Variants in TEAD4 observed in about 807,000 individuals in gnomAD.
TEAD4 encodes the protein TEA domain transcription factor 4, also known as transcriptional enhancer factor TEF-3.
In TEAD4, 36 loss-of-function variants were observed where a neutral mutation model predicts 52.4. The observed-to-expected ratio is 0.69, with a 90% CI of 0.53 to 0.91. The LOEUF (loss-of-function observed/expected upper bound fraction) is 0.91, where lower values mean the gene tolerates loss of function less well. Ranked by LOEUF, TEAD4 falls within the 40% of genes least tolerant of loss-of-function variation. TEAD4 has a pLI of 0.00. For synonymous variants in TEAD4, 220 were observed against 231.0 expected (o/e 0.95, Z 0.43); for missense variants, 508 against 583.9 (o/e 0.87, Z 1.34).
Position 3,036,925 on chromosome 12 carries a change from G to A in TEAD4, c.898-1043G>A, listed in dbSNP as rs555274386. Among the ~76,000 whole-genome samples the A allele has an allele frequency of 9.0e-4, 137 of 152,288 alleles. 1 individual carries two copies. Among genetic ancestry groups the A allele is most frequent in the African/African-American group, 3.0e-3 (123 of 41,570 alleles). ...TGGGGTTGGAGGCTGAAGACCTGGG[G>A]TCTTTCACTTACTAGTTGGATGGTG... On this transcript the variant is annotated intron_variant, in intron 10 of 12. Transcript: ENST00000359864.
At chr12:2,961,092 G>C (rs939484920) in intron 2 of TEAD4, among the ~76,000 whole-genome samples, 8 of 152,174 alleles carry the variant, frequency 5.3e-5, no homozygotes, top group African/African-American at 1.7e-4. Flanking sequence ...GGGCGGGTGA[G>C]ATTTGGGAAG....
intron 10 of TEAD4, among the ~76,000 whole-genome samples, chr12:3,033,818 G>A (rs944201732): frequency 2.0e-5 from 3 of 152,226 alleles, no homozygotes; most frequent in African/African-American, 7.2e-5. Flanking sequence ...AAGAAGCGTA[G>A]CTTGTTTTGG....
At chr12:3,027,637 C>T (rs183652525) in intron 10 of TEAD4, among the ~76,000 whole-genome samples, 2 of 152,146 alleles carry the variant, frequency 1.3e-5, no homozygotes, top group African/African-American at 2.4e-5. Context: ...GAGGACGAGG[C>T]GGGTGGATTG....
intron 3 of TEAD4, among the ~76,000 whole-genome samples, chr12:3,002,774 C>T (rs1327183807): frequency 1.3e-5 from 2 of 152,156 alleles, no homozygotes; most frequent in Non-Finnish European, 2.9e-5. Flanking sequence ...GGACAGACAC[C>T]GAGGCAGGAA....
At chr12:3,037,870 G>A in intron 10 of TEAD4, 98 bp from the exon 11 acceptor site, 3 of 1,444,330 alleles carry the variant, frequency 2.1e-6, no homozygotes, top group Non-Finnish European at 1.9e-6. Flanking sequence ...TTTCTTCCCA[G>A]CCCTAGAGCC....
chr12:3,009,795 C>CGA (rs2098258815), intron 3 of TEAD4, among the ~76,000 whole-genome samples: 1 of 152,244 alleles, frequency 6.6e-6, no homozygotes. Context: ...CTGACACAGA[C>CGA]GAGGCAGTGG....
chr12:3,023,790 CA>C (rs71057878), intron 10 of TEAD4, among the ~76,000 whole-genome samples: 8,855 of 131,948 alleles, frequency 0.067, 357 homozygotes, highest in Non-Finnish European at 0.088. Flanking sequence ...GAGACTGTCT[CA>C]AAAAAAAAAA....
At chr12:3,004,235 G>A (rs11609673) in intron 3 of TEAD4, among the ~76,000 whole-genome samples, 10,168 of 152,306 alleles carry the variant, frequency 0.067, 419 homozygotes, top group Non-Finnish European at 0.099. Flanking sequence ...ATCGTCCCTT[G>A]CGGAGGAAGC....
At position 3,040,230 on chromosome 12, in the gene TEAD4, A is replaced by G; in HGVS notation, c.1162A>G (p.Ser388Gly). 6.2e-7 allele frequency: 1 copy of G among 1,614,248 alleles called. No homozygotes were observed. Among genetic ancestry groups the G allele is most frequent in the Non-Finnish European group, 8.5e-7 (1 of 1,180,046 alleles). Residue 388 changes from serine to glycine, a missense_variant, in exon 12 of 13, where the codon AGC (serine) becomes GGC (glycine). Physicochemically the swap from Ser to Gly is moderately conservative, Grantham distance 56. Transcript: ENST00000359864. ...CCTCCCTGAGAAGTACATGATGAAC[A>G]GCGTGCTGGAGAACTTCACCATCCT...
intron 5 of TEAD4, chr12:3,016,960 A>G (rs896271515): frequency 5.3e-5 from 21 of 396,192 alleles, no homozygotes; most frequent in African/African-American, 4.3e-4. Context: ...GAGGGGCCAC[A>G]GGAGGTGGTC....
At chr12:2,984,568 G>A (rs2098236559) in intron 2 of TEAD4, among the ~76,000 whole-genome samples, 2 of 152,132 alleles carry the variant, frequency 1.3e-5, no homozygotes, top group Admixed American at 1.3e-4. Flanking sequence ...GTGTCTCTTG[G>A]CGATTTCATC....
intron 10 of TEAD4, among the ~76,000 whole-genome samples, chr12:3,025,781 C>G (rs909316160): frequency 1.8e-4 from 27 of 152,124 alleles, no homozygotes; most frequent in Admixed American, 7.2e-4. Context: ...AAGTGATCCT[C>G]CTGCCTCGGC....
chr12:3,037,945 G>A lies in TEAD4; in HGVS notation c.898-23G>A, dbSNP rs368636645. The A allele has an allele frequency of 9.9e-5, 159 of 1,602,838 alleles. No individual in the cohort carries two copies. The African/African-American group carries it at 1.4e-3, about 14-fold the overall frequency. On this transcript the variant is annotated intron_variant, in intron 10 of 12. Coordinates refer to ENST00000359864, the MANE Select transcript of TEAD4 (RefSeq NM_003213.4). ...ACATGGCACCTGCTGACACTCCCTC[G>A]CCTTCCCACTGTCTCCCTCCAGGCA...
chr12:3,009,105 G>A (rs1023471316), intron 3 of TEAD4, among the ~76,000 whole-genome samples: 1 of 152,174 alleles, frequency 6.6e-6, no homozygotes, highest in Non-Finnish European at 1.5e-5. Context: ...AGAATCTGCG[G>A]GAAAAACCTT....
At chr12:2,966,868 G>C (rs939188381) in intron 2 of TEAD4, among the ~76,000 whole-genome samples, 1 of 152,014 alleles carries the variant, frequency 6.6e-6, no homozygotes, top group Non-Finnish European at 1.5e-5. Flanking sequence ...CACCACGCCT[G>C]GCTAATTTTT....
chr12:2,963,738 C>G (rs935972647), intron 2 of TEAD4, among the ~76,000 whole-genome samples: 4 of 152,218 alleles, frequency 2.6e-5, no homozygotes, highest in African/African-American at 9.6e-5. Flanking sequence ...CTGGTGGGGA[C>G]TGGATATTTG....
intron 2 of TEAD4, among the ~76,000 whole-genome samples, chr12:2,968,156 G>A (rs561760333): frequency 6.6e-5 from 9 of 135,464 alleles, no homozygotes; most frequent in Non-Finnish European, 1.1e-4. Context: ...GCGTGATCTC[G>A]ACTCACCGCA....
At chr12:3,033,434 G>A (rs1306120147) in intron 10 of TEAD4, among the ~76,000 whole-genome samples, 1 of 152,244 alleles carries the variant, frequency 6.6e-6, no homozygotes, top group Non-Finnish European at 1.5e-5. Flanking sequence ...ACCTGTCTCT[G>A]GGGCCGGTGA....
rs1456477614 is a variant in TEAD4 at position 2,994,289 on chromosome 12, T to G, written c.-29-449T>G. Among the ~76,000 whole-genome samples the G allele has an allele frequency of 1.3e-5, 2 of 152,196 alleles. No homozygotes were observed. Among genetic ancestry groups the G allele is most frequent in the Admixed American group, 1.3e-4 (2 of 15,284 alleles). On this transcript the variant is annotated intron_variant, in intron 2 of 12. Transcript: ENST00000359864. This position sits in a 1 kb window ranked among gnomAD's most constrained non-coding sequence, Gnocchi z 4.7. ...CGGGGTTTCACCATGTTGGCCAGGCTGGTCTCGAGTTCCTGACCTCAAGTG... is the reference window on the plus strand; with the variant it reads ...CGGGGTTTCACCATGTTGGCCAGGCGGGTCTCGAGTTCCTGACCTCAAGTG...
Sources: gnomAD v4.1 joint callset for allele counts (sites outside exome capture counted in the v4.1 genomes callset) on GRCh38, gnomAD v4.1.1 for gene constraint, Gnocchi (gnomAD v3.1) non-coding constraint, MANE v1.5 for transcripts, NCBI Gene and HGNC (gene_info 2026-07-23, HGNC 2026-07-21) for gene names.